Variants in ADAMTS3 observed in about 807,000 individuals in gnomAD.
The protein encoded by ADAMTS3 is ADAM metallopeptidase with thrombospondin type 1 motif 3.
Under a neutral mutation model 129.0 loss-of-function variants are expected in ADAMTS3, and 73 were observed. That is an observed-to-expected ratio of 0.57 (90% CI 0.47 to 0.69). The LOEUF is 0.69. Ranked by LOEUF, ADAMTS3 falls within the 30% of genes least tolerant of loss-of-function variation. ADAMTS3 has a pLI of 0.00. For missense variants in ADAMTS3, 1,457 were observed against 1,514.5 expected (o/e 0.96, Z 0.63); for synonymous variants, 477 against 510.8 (o/e 0.93, Z 0.89).
chr4:72,508,609 A>G (rs191641542), intron 3 of ADAMTS3, among the ~76,000 whole-genome samples: 35 of 152,256 alleles, frequency 2.3e-4, no homozygotes, highest in Middle Eastern at 3.4e-3. Context: ...CATAAACAAG[A>G]GTAATTTCAT....
intron 18 of ADAMTS3, among the ~76,000 whole-genome samples, chr4:72,296,333 A>G (rs1425844327): frequency 1.3e-5 from 2 of 152,192 alleles, no homozygotes; most frequent in East Asian, 3.9e-4. Context: ...TCATGTGTGA[A>G]GAGTGCACGA....
At chr4:72,336,713 T>A (rs1275019458) in intron 5 of ADAMTS3, among the ~76,000 whole-genome samples, 1 of 152,108 alleles carries the variant, frequency 6.6e-6, no homozygotes, top group African/African-American at 2.4e-5. Context: ...AGAACAAGGT[T>A]TCTAAATCTC....
intron 4 of ADAMTS3, among the ~76,000 whole-genome samples, chr4:72,360,535 G>T (rs945944325): frequency 9.2e-5 from 14 of 151,392 alleles, no homozygotes; most frequent in East Asian, 7.8e-4. Context: ...GTAATGAATG[G>T]TTTTTTTTGA....
chr4:72,459,337 T>G (rs572351867), intron 3 of ADAMTS3, among the ~76,000 whole-genome samples: 4 of 151,252 alleles, frequency 2.6e-5, no homozygotes, highest in South Asian at 2.1e-4. Flanking sequence ...AATTTAAAAT[T>G]TATTTGCTAA....
At chr4:72,539,307 C>G (rs1160682015) in intron 3 of ADAMTS3, among the ~76,000 whole-genome samples, 2 of 151,562 alleles carry the variant, frequency 1.3e-5, no homozygotes, top group Non-Finnish European at 2.9e-5. Flanking sequence ...TAAAACTCAA[C>G]AAAAAACAAC....
chr4:72,407,346 T>C (rs976446216), intron 4 of ADAMTS3, among the ~76,000 whole-genome samples: 4 of 152,260 alleles, frequency 2.6e-5, no homozygotes, highest in East Asian at 1.9e-4. Flanking sequence ...ACAAGTATCA[T>C]AGAACAGGAC....
intron 2 of ADAMTS3, among the ~76,000 whole-genome samples, chr4:72,550,791 G>A (rs1377648097): frequency 1.3e-5 from 2 of 152,150 alleles, no homozygotes; most frequent in Non-Finnish European, 2.9e-5. Context: ...CGGGTGCAGA[G>A]TGACAGAGGG....
chr4:72,322,020 C>T (rs552906955), intron 6 of ADAMTS3, among the ~76,000 whole-genome samples: 14 of 152,132 alleles, frequency 9.2e-5, no homozygotes, highest in African/African-American at 2.4e-4. Context: ...GACTGACAGG[C>T]GAATTTTGTT....
chr4:72,344,782 G>A (rs570521670), intron 4 of ADAMTS3, among the ~76,000 whole-genome samples: 9 of 152,170 alleles, frequency 5.9e-5, no homozygotes, highest in African/African-American at 2.2e-4. Context: ...AGGATAAAGG[G>A]ACATGCTGAA....
chr4:72,476,324 A>G (rs1719231641), intron 3 of ADAMTS3, among the ~76,000 whole-genome samples: 1 of 152,114 alleles, frequency 6.6e-6, no homozygotes, highest in African/African-American at 2.4e-5. Context: ...GAATAATGAT[A>G]GAATGCAATG....
intron 11 of ADAMTS3, among the ~76,000 whole-genome samples, chr4:72,315,047 A>T (rs923870904): frequency 6.6e-6 from 1 of 152,186 alleles, no homozygotes; most frequent in Non-Finnish European, 1.5e-5. Context: ...TGACTACACA[A>T]TTTGAGATTT....
At chr4:72,530,896 T>C (rs1457490605) in intron 3 of ADAMTS3, among the ~76,000 whole-genome samples, 2 of 140,014 alleles carry the variant, frequency 1.4e-5, no homozygotes, top group Non-Finnish European at 3.0e-5. Context: ...GATATACATA[T>C]ATGCTTTTTA....
At chr4:72,330,446 T>G (rs1719816066) in intron 5 of ADAMTS3, 1 of 152,246 alleles carries the variant, frequency 6.6e-6, no homozygotes, top group African/African-American at 2.4e-5. Context: ...ACCCATCTTC[T>G]CTCTAAAACC....
chr4:72,305,802 T>A (rs1719070973), intron 16 of ADAMTS3, among the ~76,000 whole-genome samples, 185 bp downstream of exon 16: 1 of 151,570 alleles, frequency 6.6e-6, no homozygotes. Flanking sequence ...CATATACGCA[T>A]GCACATCATG....
chr4:72,314,586 T>A (rs1467513758), intron 11 of ADAMTS3, among the ~76,000 whole-genome samples: 1 of 152,204 alleles, frequency 6.6e-6, no homozygotes, highest in Non-Finnish European at 1.5e-5. Flanking sequence ...TCAACTTCTA[T>A]AAATTTCAAT....
intron 3 of ADAMTS3, among the ~76,000 whole-genome samples, chr4:72,480,596 A>C (rs1208447391): frequency 6.6e-6 from 1 of 151,968 alleles, no homozygotes; most frequent in African/African-American, 2.4e-5. Flanking sequence ...CCTAATGCTA[A>C]ATGACGAGTT....
At chr4:72,528,577 G>A (rs913319312) in intron 3 of ADAMTS3, among the ~76,000 whole-genome samples, 1 of 147,856 alleles carries the variant, frequency 6.8e-6, no homozygotes, top group Non-Finnish European at 1.5e-5. Flanking sequence ...GTACGTGAAA[G>A]TAGATGAGAT....
intron 3 of ADAMTS3, among the ~76,000 whole-genome samples, chr4:72,426,963 T>C (rs899798947): frequency 6.6e-6 from 1 of 152,074 alleles, no homozygotes; most frequent in African/African-American, 2.4e-5. Flanking sequence ...GGGTGATTTT[T>C]CCTAAAAATT....
chr4:72,534,260 G>T (rs1721131173), intron 3 of ADAMTS3, among the ~76,000 whole-genome samples: 1 of 152,054 alleles, frequency 6.6e-6, no homozygotes, highest in South Asian at 2.1e-4. Context: ...CCGGGTGGCG[G>T]AGTTTGCAGT....
Sources: allele counts gnomAD v4.1 joint callset (sites outside exome capture counted in the v4.1 genomes callset), GRCh38; gene constraint gnomAD v4.1.1; transcripts MANE v1.5; gene names NCBI Gene and HGNC (gene_info 2026-07-23, HGNC 2026-07-21).